GRB14: variants seen among roughly 807,000 people sequenced by gnomAD.
GRB14 encodes growth factor receptor bound protein 14.
In GRB14, 38 loss-of-function variants were observed where a neutral mutation model predicts 69.1. The ratio of observed to expected loss-of-function variants is 0.55; its 90% CI spans 0.42 to 0.72. The LOEUF (loss-of-function observed/expected upper bound fraction) is 0.72, where lower values mean the gene tolerates loss of function less well. Ranked by LOEUF, GRB14 falls within the 30% of genes least tolerant of loss-of-function variation. The probability of loss-of-function intolerance (pLI) is 0.00; values close to 1 mark genes in which losing one functional copy is unlikely to be tolerated. For missense variants in GRB14, 666 were observed against 666.1 expected (o/e 1.00, Z 0.00); for synonymous variants, 247 against 241.3 (o/e 1.02, Z -0.22).
At chr2:164,614,624 G>T (rs1054004069) in intron 2 of GRB14, among the ~76,000 whole-genome samples, 3 of 152,112 alleles carry the variant, frequency 2.0e-5, no homozygotes. Context: ...CTTTAGCAAA[G>T]AAAATAAAAT....
intron 2 of GRB14, among the ~76,000 whole-genome samples, chr2:164,574,241 CTT>C (rs769386864): frequency 7.7e-4 from 105 of 136,996 alleles, no homozygotes; most frequent in Non-Finnish European, 4.8e-4. Context: ...GAAAAATTAT[CTT>C]TTTTTTTTTT....
chr2:164,613,736 G>A (rs556398978), intron 2 of GRB14, among the ~76,000 whole-genome samples: 1 of 152,218 alleles, frequency 6.6e-6, no homozygotes, highest in Non-Finnish European at 1.5e-5. Context: ...TGACCTTTTG[G>A]CCTTCAGGTA....
chr2:164,503,319 A>G (rs560446273), intron 8 of GRB14, among the ~76,000 whole-genome samples: 5 of 151,944 alleles, frequency 3.3e-5, no homozygotes, highest in African/African-American at 1.2e-4. Flanking sequence ...ACACCATGGA[A>G]TCAAATCTTA....
chr2:164,562,342 T>TA (rs1239640583), intron 2 of GRB14, among the ~76,000 whole-genome samples: 1 of 152,202 alleles, frequency 6.6e-6, no homozygotes, highest in African/African-American at 2.4e-5. Flanking sequence ...CCAAAGATTT[T>TA]AAAAAATATA....
chr2:164,564,811 G>A (rs1393979460), intron 2 of GRB14, among the ~76,000 whole-genome samples: 1 of 152,014 alleles, frequency 6.6e-6, no homozygotes. Context: ...GTCAGGAGAT[G>A]GAGACCATCA....
intron 2 of GRB14, among the ~76,000 whole-genome samples, chr2:164,590,678 T>G (rs1689640204): frequency 6.6e-6 from 1 of 152,206 alleles, no homozygotes; most frequent in African/African-American, 2.4e-5. Context: ...TCATGTCTCT[T>G]CCGCACTATC....
chr2:164,601,508 T>G (rs562349684), intron 2 of GRB14, among the ~76,000 whole-genome samples: 3 of 152,262 alleles, frequency 2.0e-5, no homozygotes, highest in Admixed American at 1.3e-4. Flanking sequence ...GAATTTTGTG[T>G]TAGATAGGCA....
chr2:164,607,088 T>C (rs1244651268), intron 2 of GRB14, among the ~76,000 whole-genome samples: 1 of 152,178 alleles, frequency 6.6e-6, no homozygotes, highest in Non-Finnish European at 1.5e-5. Context: ...AAATCAATAC[T>C]CAAACATTTA....
Position 164,510,179 on chromosome 2 carries a change from T to G in GRB14, c.817-1327A>C, listed in dbSNP as rs545930493. Among the ~76,000 whole-genome samples the G allele has an allele frequency of 7.3e-4, 111 of 152,352 alleles. 1 individual carries two copies. Among genetic ancestry groups the G allele is most frequent in the Non-Finnish European group, 1.3e-3 (86 of 68,026 alleles). ...TAGTAAGATGGAATAAAACCATTCC[T>G]GTCCACTGATGCTGTAGAAGTCAAT... is the stretch of plus-strand genomic sequence containing the variant. On this transcript the variant is annotated intron_variant, in intron 6 of 13. Transcript: ENST00000263915.
At chr2:164,620,078 T>TCCC (rs1342589289) in intron 1 of GRB14, 2 of 32,648 alleles carry the variant, frequency 6.1e-5, no homozygotes, top group African/African-American at 1.4e-4. Context: ...CCACCACCCC[T>TCCC]CCCCCCCCCA....
chr2:164,542,822 A>G lies in GRB14; in HGVS notation c.481+4838T>C, dbSNP rs542114974. Among the ~76,000 whole-genome samples, 34 of 152,362 alleles carry G rather than the reference A, an allele frequency of 2.2e-4. No individual in the cohort carries two copies. The South Asian group carries it at 6.6e-3, about 30-fold the overall frequency. ...GTAAATTAGTTCAGCCACTGTGGAA[A>G]GTAGTTTGGAGATTTCTCAAAAAAT... On this transcript the variant is annotated intron_variant, in intron 3 of 13. Transcript: ENST00000263915.
At chr2:164,540,536 G>A (rs563493892) in intron 3 of GRB14, among the ~76,000 whole-genome samples, 2 of 152,100 alleles carry the variant, frequency 1.3e-5, no homozygotes, top group Non-Finnish European at 2.9e-5. Context: ...TTGAACCTGG[G>A]GGGTGGAGGT....
At chr2:164,554,922 T>C (rs1263843979) in intron 2 of GRB14, among the ~76,000 whole-genome samples, 1 of 150,540 alleles carries the variant, frequency 6.6e-6, no homozygotes, top group Non-Finnish European at 1.5e-5. Context: ...TGGTAACTTT[T>C]CAGAAAAAAA....
chr2:164,547,668 A>T lies in GRB14; in HGVS notation c.473T>A (p.Ile158Lys). The change falls in exon 3 of 14, where the codon ATA becomes AAA. Residue 158 changes from isoleucine (I) to lysine (K), a missense_variant. Physicochemically the swap from Ile to Lys is moderately radical, Grantham distance 102. Coordinates refer to ENST00000263915, the MANE Select transcript of GRB14 (RefSeq NM_004490.3). ...TAACTCCGTATCCTTACCTACACCT[A>T]TGTGAGGCAGGTGCTCAAAAAGGGT... Reference protein sequence around the residue: ...SWTLFEHLPHIGVERTIEDHE... With the variant: ...SWTLFEHLPHKGVERTIEDHE... The T allele has an allele frequency of 6.2e-7, 1 of 1,613,284 alleles. No individual in the cohort carries two copies. The highest frequency in any genetic ancestry group is 8.5e-7 in the Non-Finnish European group (1 of 1,179,402).
chr2:164,595,383 G>A (rs1689759018), intron 2 of GRB14, among the ~76,000 whole-genome samples: 1 of 152,208 alleles, frequency 6.6e-6, no homozygotes. Flanking sequence ...TACATGCTAT[G>A]AAAACAAACA....
chr2:164,567,961 A>G (rs538281240), intron 2 of GRB14, among the ~76,000 whole-genome samples: 1 of 152,302 alleles, frequency 6.6e-6, no homozygotes, highest in South Asian at 2.1e-4. Flanking sequence ...GTAAACAAAT[A>G]TAAGACATAA....
chr2:164,609,347 T>C (rs1422135634), intron 2 of GRB14, among the ~76,000 whole-genome samples: 1 of 152,204 alleles, frequency 6.6e-6, no homozygotes, highest in Non-Finnish European at 1.5e-5. Context: ...AGAGCTCTCC[T>C]ACGGGATCAA....
intron 2 of GRB14, among the ~76,000 whole-genome samples, chr2:164,571,287 A>G (rs1689115807): frequency 6.6e-6 from 1 of 152,236 alleles, no homozygotes; most frequent in African/African-American, 2.4e-5. Flanking sequence ...ATAAAAAACT[A>G]TGACCAAAAC....
chr2:164,520,220 TG>T (rs1235763411), intron 6 of GRB14, among the ~76,000 whole-genome samples: 2 of 152,014 alleles, frequency 1.3e-5, no homozygotes, highest in Non-Finnish European at 2.9e-5. Flanking sequence ...AACAGCCAAC[TG>T]GTCTTTGACA....
Sources: gnomAD v4.1 joint callset for allele counts (sites outside exome capture counted in the v4.1 genomes callset) on GRCh38, gnomAD v4.1.1 for gene constraint, MANE v1.5 for transcripts, NCBI Gene and HGNC (gene_info 2026-07-23, HGNC 2026-07-21) for gene names.